Variants in CDK17 observed in about 807,000 individuals in gnomAD.
The protein encoded by CDK17 is cyclin-dependent kinase 17.
A neutral mutation model predicts 77.6 loss-of-function variants in CDK17; 24 were observed. The observed-to-expected ratio is 0.31, with a 90% confidence interval of 0.22 to 0.44. The LOEUF (loss-of-function observed/expected upper bound fraction) is 0.44, where lower values mean the gene tolerates loss of function less well. Among genes scored for constraint, CDK17 ranks in the 20% least tolerant of loss-of-function variants. CDK17 has a pLI of 1.00. For synonymous variants in CDK17, 203 were observed against 210.4 expected, an observed-to-expected ratio of 0.96 and a Z score of 0.30; for missense variants, 429 against 622.5, an observed-to-expected ratio of 0.69 and a Z score of 3.31.
At chr12:96,391,313 A>G (rs1954064429) in intron 1 of CDK17, among the ~76,000 whole-genome samples, 1 of 149,816 alleles carries the variant, frequency 6.7e-6, no homozygotes, top group Admixed American at 6.6e-5. Flanking sequence ...TTTTTGAAAC[A>G]GAGTCTCACT....
At chr12:96,326,033 A>G (rs1441766383) in intron 2 of CDK17, among the ~76,000 whole-genome samples, 2 of 152,190 alleles carry the variant, frequency 1.3e-5, no homozygotes, top group African/African-American at 4.8e-5. Context: ...CAAGAAAGAG[A>G]AAAGAAAAAT....
chr12:96,295,824 G>A (rs971566172), intron 9 of CDK17, among the ~76,000 whole-genome samples: 1 of 152,210 alleles, frequency 6.6e-6, no homozygotes, highest in South Asian at 2.1e-4. Context: ...TAAGGCTAAT[G>A]GTAGAGTTTT....
intron 1 of CDK17, among the ~76,000 whole-genome samples, chr12:96,361,288 T>C (rs975280370): frequency 6.6e-6 from 1 of 152,202 alleles, no homozygotes. Flanking sequence ...GGGTGAAGCT[T>C]TGTTGCTGTG....
At chr12:96,358,932 C>T (rs1231469828) in intron 1 of CDK17, among the ~76,000 whole-genome samples, 3 of 144,600 alleles carry the variant, frequency 2.1e-5, no homozygotes, top group Non-Finnish European at 3.0e-5. Context: ...ACTAGGTAAC[C>T]GTATATTCTC....
At chr12:96,312,483 T>C (rs1417271740) in intron 4 of CDK17, among the ~76,000 whole-genome samples, 1 of 152,098 alleles carries the variant, frequency 6.6e-6, no homozygotes, top group African/African-American at 2.4e-5. Context: ...CACATAAATA[T>C]ATCGTTGATT....
chr12:96,386,263 T>C (rs1478740653), intron 1 of CDK17, among the ~76,000 whole-genome samples: 1 of 152,214 alleles, frequency 6.6e-6, no homozygotes, highest in African/African-American at 2.4e-5. Context: ...CCCAAAGTGC[T>C]GGGATTACAG....
intron 1 of CDK17, among the ~76,000 whole-genome samples, chr12:96,376,108 A>G (rs1953777699): frequency 1.3e-5 from 2 of 152,244 alleles, no homozygotes; most frequent in African/African-American, 2.4e-5. Flanking sequence ...GTCTTCAACA[A>G]CATGACTTTG....
intron 3 of CDK17, among the ~76,000 whole-genome samples, chr12:96,319,979 G>T (rs1447932968): frequency 4.6e-5 from 7 of 150,848 alleles, no homozygotes; most frequent in Admixed American, 3.3e-4. Context: ...GAAATAAAGG[G>T]TATTCAATTA....
intron 1 of CDK17, among the ~76,000 whole-genome samples, chr12:96,370,616 A>G (rs950389026): frequency 6.6e-6 from 1 of 152,182 alleles, no homozygotes; most frequent in Non-Finnish European, 1.5e-5. Context: ...TAAAATACTA[A>G]GTTATTTGCC....
chr12:96,377,669 A>AAAG (rs1215640461), intron 1 of CDK17, among the ~76,000 whole-genome samples: 1 of 151,658 alleles, frequency 6.6e-6, no homozygotes, highest in Non-Finnish European at 1.5e-5. Flanking sequence ...GCAGCATCAG[A>AAAG]ATTACAGAAG....
intron 1 of CDK17, among the ~76,000 whole-genome samples, chr12:96,379,295 A>T (rs1481979322): frequency 6.6e-6 from 1 of 152,258 alleles, no homozygotes; most frequent in African/African-American, 2.4e-5. Context: ...GATCACCTAT[A>T]TTAGCAGGGA....
chr12:96,397,207 T>C (rs1384594310), intron 1 of CDK17, among the ~76,000 whole-genome samples: 2 of 152,166 alleles, frequency 1.3e-5, no homozygotes, highest in Admixed American at 1.3e-4. Flanking sequence ...GAAAACTAAA[T>C]ATATCAACAA....
chr12:96,299,079 C>A, intron 6 of CDK17, 96 bp from the exon 7 acceptor site: 1 of 613,334 alleles, frequency 1.6e-6, no homozygotes, highest in Non-Finnish European at 2.8e-6. Flanking sequence ...TTTCTAGTTT[C>A]TAAGCATTGT....
intron 1 of CDK17, among the ~76,000 whole-genome samples, chr12:96,397,699 C>T (rs1954193348): frequency 6.6e-6 from 1 of 152,030 alleles, no homozygotes; most frequent in Non-Finnish European, 1.5e-5. Flanking sequence ...TGGTAGATTT[C>T]CATCTAGTAA....
intron 1 of CDK17, among the ~76,000 whole-genome samples, chr12:96,345,678 CTATT>C (rs1370665152): frequency 9.2e-5 from 14 of 152,104 alleles, no homozygotes; most frequent in Admixed American, 2.6e-4. Context: ...CAGGAGCAGA[CTATT>C]TATATACTAC....
Position 96,290,073 on chromosome 12 carries a change from C to T in CDK17, c.998-786G>A, listed in dbSNP as rs185841230. On this transcript the variant is annotated intron_variant, in intron 10 of 16. Transcript: ENST00000261211. ...TCTCATAATGTTTTAAGAAAGTTTA[C>T]GAATTTGTGTTGGGCTGCATTCAAA... 5.3e-5 allele frequency among the ~76,000 whole-genome samples: 8 copies of T among 152,210 alleles called. No homozygotes were observed. In the East Asian group the frequency reaches 9.6e-4, roughly 18 times the overall value.
At chr12:96,368,806 C>CGGGG (rs113976893) in intron 1 of CDK17, among the ~76,000 whole-genome samples, 3 of 67,576 alleles carry the variant, frequency 4.4e-5, no homozygotes, top group African/African-American at 1.0e-4. Context: ...TACTCTAAGA[C>CGGGG]GGGGGGGGGG....
intron 1 of CDK17, among the ~76,000 whole-genome samples, chr12:96,336,017 G>A (rs1255917136): frequency 2.0e-5 from 3 of 151,986 alleles, no homozygotes; most frequent in African/African-American, 7.3e-5. Flanking sequence ...CTCATTCTAA[G>A]GATTTATTCT....
At chr12:96,288,931 GA>G (rs1952280988) in intron 11 of CDK17, among the ~76,000 whole-genome samples, 1 of 152,138 alleles carries the variant, frequency 6.6e-6, no homozygotes, top group Non-Finnish European at 1.5e-5. Context: ...TTCCTTAAAT[GA>G]GGAAACTGAG....
Sources: gnomAD v4.1 joint callset for allele counts (sites outside exome capture counted in the v4.1 genomes callset) on GRCh38, gnomAD v4.1.1 for gene constraint, MANE v1.5 for transcripts, NCBI Gene and HGNC (gene_info 2026-07-23, HGNC 2026-07-21) for gene names.